SYT1: variants seen among roughly 807,000 people sequenced by gnomAD.
The protein encoded by SYT1 is synaptotagmin-1.
In SYT1, 8 loss-of-function variants were observed where a neutral mutation model predicts 44.8. The observed-to-expected ratio is 0.18, with a 90% CI of 0.10 to 0.32. The LOEUF is 0.32. Among genes scored for constraint, SYT1 ranks in the 10% least tolerant of loss-of-function variants. The pLI is 1.00. For synonymous variants in SYT1, 154 were observed against 188.8 expected (o/e 0.82, Z 1.51); for missense variants, 286 against 509.3 (o/e 0.56, Z 4.22).
chr12:79,134,885 A>G (rs7953564), intron 3 of SYT1, among the ~76,000 whole-genome samples: 4,989 of 152,068 alleles, frequency 0.033, 308 homozygotes, highest in African/African-American at 0.11. Flanking sequence ...TATAAGATGA[A>G]TAAGTTCTGG....
chr12:79,088,793 TGA>T (rs1877574832), intron 3 of SYT1, among the ~76,000 whole-genome samples: 1 of 150,228 alleles, frequency 6.7e-6, no homozygotes, highest in Non-Finnish European at 1.5e-5. Flanking sequence ...TGTGTGTGTG[TGA>T]GGGGGCAGAG....
At chr12:79,213,452 A>G (rs752662791) in intron 3 of SYT1, among the ~76,000 whole-genome samples, 1 of 152,190 alleles carries the variant, frequency 6.6e-6, no homozygotes, top group Non-Finnish European at 1.5e-5. Context: ...ACCTCCTATG[A>G]CTTACTTTCC....
chr12:79,385,255 G>A (rs182486786), intron 9 of SYT1, among the ~76,000 whole-genome samples: 102 of 151,994 alleles, frequency 6.7e-4, no homozygotes, highest in Non-Finnish European at 1.2e-3. Context: ...CCAAAGTGTC[G>A]GGATTACAGG....
chr12:79,269,467 G>A (rs1431908622), intron 4 of SYT1, among the ~76,000 whole-genome samples: 1 of 152,036 alleles, frequency 6.6e-6, no homozygotes, highest in East Asian at 1.9e-4. Context: ...CTCTGCATAA[G>A]TTCTCTCACT....
intron 1 of SYT1, among the ~76,000 whole-genome samples, chr12:78,974,470 T>C (rs148319551): frequency 0.015 from 2,224 of 152,156 alleles, 66 homozygotes; most frequent in African/African-American, 0.051. Flanking sequence ...GGAGTCTTGC[T>C]CTGTCGCCCA....
At chr12:78,890,641 G>T (rs2137072992) in intron 1 of SYT1, among the ~76,000 whole-genome samples, 1 of 151,666 alleles carries the variant, frequency 6.6e-6, no homozygotes, top group African/African-American at 2.4e-5. Context: ...TTTCTTCCAA[G>T]CTTCACAGTT....
intron 1 of SYT1, among the ~76,000 whole-genome samples, chr12:78,940,924 T>C (rs964316120): frequency 1.3e-5 from 2 of 152,142 alleles, no homozygotes; most frequent in Non-Finnish European, 2.9e-5. Flanking sequence ...AAAACGTATG[T>C]GTGTCTGCAT....
At chr12:79,405,504 A>T (rs140259106) in intron 9 of SYT1, among the ~76,000 whole-genome samples, 1 of 152,162 alleles carries the variant, frequency 6.6e-6, no homozygotes, top group Non-Finnish European at 1.5e-5. Context: ...GACTCTTGCT[A>T]TATCTCAGGA....
intron 2 of SYT1, among the ~76,000 whole-genome samples, chr12:78,984,619 A>T (rs530244065): frequency 1.3e-5 from 2 of 152,034 alleles, no homozygotes; most frequent in Non-Finnish European, 2.9e-5. Context: ...TTAGAAAACA[A>T]TGAAGAATAG....
chr12:79,039,612 AT>A (rs1190611901), intron 2 of SYT1, among the ~76,000 whole-genome samples: 6 of 147,974 alleles, frequency 4.1e-5, no homozygotes, highest in South Asian at 4.4e-4. Flanking sequence ...TTTTTTATTT[AT>A]TTTTATTTTT....
intron 3 of SYT1, among the ~76,000 whole-genome samples, chr12:79,078,506 T>C (rs1353667403): frequency 3.9e-5 from 6 of 152,190 alleles, no homozygotes; most frequent in Admixed American, 2.0e-4. Flanking sequence ...CCATTATTTT[T>C]TTTCTAATAC....
At chr12:79,167,940 G>T (rs889618554) in intron 3 of SYT1, among the ~76,000 whole-genome samples, 9 of 151,910 alleles carry the variant, frequency 5.9e-5, no homozygotes, top group African/African-American at 1.9e-4. Flanking sequence ...CTACAATAGG[G>T]TTCACTCACC....
chr12:78,877,821 G>C (rs761446184), intron 1 of SYT1, among the ~76,000 whole-genome samples: 1 of 151,708 alleles, frequency 6.6e-6, no homozygotes, highest in African/African-American at 2.4e-5. Context: ...TAGAGACAGG[G>C]TCTCACTATG....
intron 8 of SYT1, among the ~76,000 whole-genome samples, chr12:79,349,552 A>C (rs938664350): frequency 2.3e-4 from 35 of 152,296 alleles, no homozygotes; most frequent in African/African-American, 8.2e-4. Context: ...ACACCCTCTC[A>C]GTCTCAAAGT....
chr12:79,173,016 G>T (rs1364178263), intron 3 of SYT1, among the ~76,000 whole-genome samples: 4 of 130,706 alleles, frequency 3.1e-5, no homozygotes, highest in Non-Finnish European at 4.9e-5. Context: ...AGGGAGTTTG[G>T]CCTGTCCAGA....
chr12:79,370,711 A>C (rs988299129), intron 9 of SYT1, among the ~76,000 whole-genome samples: 2 of 152,014 alleles, frequency 1.3e-5, no homozygotes, highest in Non-Finnish European at 2.9e-5. Flanking sequence ...TGCAGTGAGC[A>C]GAGATCGCGC....
intron 1 of SYT1, among the ~76,000 whole-genome samples, chr12:78,873,216 G>A (rs554292859): frequency 4.0e-4 from 61 of 151,604 alleles, no homozygotes; most frequent in African/African-American, 1.1e-3. Flanking sequence ...TATATTTTTT[G>A]TCTGTTGGAA....
chr12:78,964,826 T>C (rs1373336691), intron 1 of SYT1, among the ~76,000 whole-genome samples: 1 of 152,116 alleles, frequency 6.6e-6, no homozygotes, highest in Non-Finnish European at 1.5e-5. Flanking sequence ...CTGATAACTT[T>C]TCTTCTCCTC....
At chr12:79,003,286 T>C (rs1161354648) in intron 2 of SYT1, among the ~76,000 whole-genome samples, 1 of 151,898 alleles carries the variant, frequency 6.6e-6, no homozygotes, top group Non-Finnish European at 1.5e-5. Context: ...AAATTACTTG[T>C]CTAGAACTGA....
Sources: gnomAD v4.1 joint callset for allele counts (sites outside exome capture counted in the v4.1 genomes callset) on GRCh38, gnomAD v4.1.1 for gene constraint, MANE v1.5 for transcripts, NCBI Gene and HGNC (gene_info 2026-07-23, HGNC 2026-07-21) for gene names.